ANGPT2: variants seen among roughly 807,000 people sequenced by gnomAD.
ANGPT2 encodes the protein angiopoietin-2.
Under a neutral mutation model 62.9 loss-of-function variants are expected in ANGPT2, and 28 were observed. The ratio of observed to expected loss-of-function variants is 0.44; its 90% CI spans 0.33 to 0.61. The LOEUF (loss-of-function observed/expected upper bound fraction) is 0.61, where lower values mean the gene tolerates loss of function less well. ANGPT2 is among the 20% of genes least tolerant of loss of function. ANGPT2 has a pLI of 0.03. For synonymous variants in ANGPT2, 284 were observed against 207.8 expected (o/e 1.37, Z -3.15); for missense variants, 727 against 594.9 (o/e 1.22, Z -2.31).
At chr8:6,536,650 TC>T (rs1820553475) in intron 1 of ANGPT2, among the ~76,000 whole-genome samples, 2 of 152,154 alleles carry the variant, frequency 1.3e-5, no homozygotes, top group Non-Finnish European at 2.9e-5. Context: ...ACTATGGATG[TC>T]CATCATATAG....
chr8:6,522,247 C>T (rs1201991840), intron 3 of ANGPT2, among the ~76,000 whole-genome samples: 1 of 152,048 alleles, frequency 6.6e-6, no homozygotes, highest in African/African-American at 2.4e-5. Context: ...CACAGCTACT[C>T]TGGAGGCTGA....
At chr8:6,510,090 G>A (rs1814700215) in intron 7 of ANGPT2, among the ~76,000 whole-genome samples, 1 of 151,972 alleles carries the variant, frequency 6.6e-6, no homozygotes, top group African/African-American at 2.4e-5. Context: ...GGCTTACATC[G>A]GTCATCTGTG....
At position 6,514,672 on chromosome 8, in the gene ANGPT2, C is replaced by T. The variant is rs1380493417; in HGVS notation, c.1029+5G>A. 7.4e-6 allele frequency: 12 copies of T among 1,612,858 alleles called. No homozygotes were observed. Among genetic ancestry groups the T allele is most frequent in the Non-Finnish European group, 1.0e-5 (12 of 1,179,032 alleles). ...CTTTTCTGATGCCTTAAAGAATGTC[C>T]TTACCACTTTATATTCTTTCCAAGT... On this transcript the variant is annotated splice_donor_5th_base_variant and intron_variant, in intron 6 of 8. Transcript: ENST00000629816.
In ANGPT2 at chr8:6,539,408, G is replaced by A. The variant is rs140594668; in HGVS notation, c.289-6921C>T. ...AGTTGAGGCAAAAGCTAAAGGCCGA[G>A]GGAGGGAAGCCTGGCCTCTGGTGCC... On this transcript the variant is annotated intron_variant, in intron 1 of 8. Coordinates refer to ENST00000629816, the MANE Select transcript of ANGPT2 (RefSeq NM_001118887.2). 9.2e-5 allele frequency among the ~76,000 whole-genome samples: 14 copies of A among 152,270 alleles called. 1 individual carries two copies. Among genetic ancestry groups the A allele is most frequent in the African/African-American group, 3.1e-4 (13 of 41,534 alleles).
At chr8:6,508,823 A>T (rs1476323126) in intron 8 of ANGPT2, 109 bp downstream of exon 8, 1 of 1,477,660 alleles carries the variant, frequency 6.8e-7, no homozygotes, top group South Asian at 1.1e-5. Flanking sequence ...CTACGTATGA[A>T]ATTGTGGACA....
intron 1 of ANGPT2, among the ~76,000 whole-genome samples, chr8:6,533,415 G>C (rs56268917): frequency 6.6e-6 from 1 of 152,084 alleles, no homozygotes; most frequent in Non-Finnish European, 1.5e-5. Flanking sequence ...TTATAGTCTT[G>C]GTTCTAGGAA....
chr8:6,519,193 C>T (rs1002331861), intron 5 of ANGPT2, among the ~76,000 whole-genome samples: 13 of 152,214 alleles, frequency 8.5e-5, no homozygotes, highest in African/African-American at 3.1e-4. Flanking sequence ...CAGCGGTTCT[C>T]ATGGTGTGGA....
At chr8:6,534,463 C>T (rs1820141611) in intron 1 of ANGPT2, among the ~76,000 whole-genome samples, 1 of 152,108 alleles carries the variant, frequency 6.6e-6, no homozygotes, top group Non-Finnish European at 1.5e-5. Context: ...TGTACTAGAG[C>T]TCCAAGCATG....
At chr8:6,523,411 A>G (rs2515449) in intron 3 of ANGPT2, among the ~76,000 whole-genome samples, 11,431 of 152,286 alleles carry the variant, frequency 0.075, 520 homozygotes, top group African/African-American at 0.12. Context: ...ATAAACATAC[A>G]TTGCTATAAA....
intron 1 of ANGPT2, among the ~76,000 whole-genome samples, chr8:6,560,397 G>A (rs1049434433): frequency 6.6e-6 from 1 of 152,098 alleles, no homozygotes; most frequent in Non-Finnish European, 1.5e-5. Flanking sequence ...GAGAAAATCA[G>A]TGTTTATTAT....
At chr8:6,543,933 TA>T (rs1255904992) in intron 1 of ANGPT2, among the ~76,000 whole-genome samples, 1 of 152,226 alleles carries the variant, frequency 6.6e-6, no homozygotes, top group Non-Finnish European at 1.5e-5. Flanking sequence ...ACAGATTATT[TA>T]ACGGGGCTAT....
At chr8:6,526,842 G>T (rs1020647934) in intron 3 of ANGPT2, among the ~76,000 whole-genome samples, 18 of 152,204 alleles carry the variant, frequency 1.2e-4, no homozygotes, top group South Asian at 1.0e-3. Context: ...GTCCCAAGTG[G>T]AACAGACATA....
intron 1 of ANGPT2, among the ~76,000 whole-genome samples, chr8:6,557,688 T>TGCAC (rs1554452273): frequency 6.7e-6 from 1 of 148,692 alleles, no homozygotes; most frequent in Non-Finnish European, 1.5e-5. Context: ...TATGTGTGTG[T>TGCAC]ACACACACAC....
chr8:6,527,628 G>C lies in ANGPT2; in HGVS notation c.493C>G (p.Leu165Val), dbSNP rs754043720. The C allele has an allele frequency of 1.9e-6, 3 of 1,613,852 alleles. No individual in the cohort carries two copies. The highest frequency in any genetic ancestry group is 1.3e-5 in the African/African-American group (1 of 74,920). The change falls in exon 3 of 9, where the codon CTC (leucine) becomes GTC (valine). Residue 165 changes from leucine to valine, a missense_variant. Leu to Val is a conservative substitution (Grantham distance 32). Coordinates refer to ENST00000629816, the MANE Select transcript of ANGPT2 (RefSeq NM_001118887.2). ...TGTTTTTCCAATTTGTTTGTCGAGA[G>C]GGAGTGTTCCAAGAGCTGAAGTTCA... Reference protein sequence around the residue: ...RLELQLLEHSLSTNKLEKQIL... With the variant: ...RLELQLLEHSVSTNKLEKQIL...
intron 1 of ANGPT2, among the ~76,000 whole-genome samples, chr8:6,545,421 A>G (rs556961967): frequency 1.2e-4 from 18 of 152,216 alleles, no homozygotes; most frequent in Non-Finnish European, 2.1e-4. Context: ...TTGTGACACT[A>G]TGACCCTAGT....
In ANGPT2 at chr8:6,551,140, G is replaced by A. The variant is rs376139496; in HGVS notation, c.288+11507C>T. On this transcript the variant is annotated intron_variant, in intron 1 of 8. Transcript: ENST00000629816. ...CCCTGACTCGAAGCTGACCATCTGT[G>A]CTGATGCTGACTTAGGATTTTAAAT... Among the ~76,000 whole-genome samples, 3 of 152,310 alleles carry A rather than the reference G, an allele frequency of 2.0e-5. No individual in the cohort carries two copies. In the East Asian group the frequency reaches 5.8e-4, roughly 29 times the overall value.
At chr8:6,504,449 G>A (rs1017904439) in intron 8 of ANGPT2, among the ~76,000 whole-genome samples, 9 of 151,960 alleles carry the variant, frequency 5.9e-5, no homozygotes, top group African/African-American at 1.9e-4. Flanking sequence ...GTGGATCCAC[G>A]CTGTCTACAT....
chr8:6,523,374 TA>T (rs1817729044), intron 3 of ANGPT2, among the ~76,000 whole-genome samples: 1 of 152,208 alleles, frequency 6.6e-6, no homozygotes, highest in South Asian at 2.1e-4. Flanking sequence ...TTAATGGTTA[TA>T]TAGTTTGCCT....
At chr8:6,542,894 C>G (rs1165441105) in intron 1 of ANGPT2, among the ~76,000 whole-genome samples, 1 of 152,178 alleles carries the variant, frequency 6.6e-6, no homozygotes, top group African/African-American at 2.4e-5. Flanking sequence ...AGATGATTTT[C>G]TAAATTTAGA....
Sources: gnomAD v4.1 joint callset for allele counts (sites outside exome capture counted in the v4.1 genomes callset) on GRCh38, gnomAD v4.1.1 for gene constraint, MANE v1.5 for transcripts, NCBI Gene and HGNC (gene_info 2026-07-23, HGNC 2026-07-21) for gene names.